SPART: variants seen among roughly 807,000 people sequenced by gnomAD.
SPART encodes the protein spastic paraplegia 20 (Troyer syndrome).
In SPART, 35 loss-of-function variants were observed where a neutral mutation model predicts 58.7. The observed-to-expected ratio is 0.60, with a 90% CI of 0.46 to 0.79. The LOEUF is 0.79. SPART is among the 30% of genes least tolerant of loss of function. The pLI is 0.00. For missense variants in SPART, 730 were observed against 786.1 expected (o/e 0.93, Z 0.85); for synonymous variants, 284 against 280.7 (o/e 1.01, Z -0.12).
chr13:36,341,315 T>C (rs1298604025), intron 1 of SPART, among the ~76,000 whole-genome samples: 1 of 152,208 alleles, frequency 6.6e-6, no homozygotes, highest in African/African-American at 2.4e-5. Flanking sequence ...CTAATAACAT[T>C]AAAAAGGTAA....
chr13:36,331,107 T>C (rs973136097), intron 3 of SPART, among the ~76,000 whole-genome samples: 3 of 152,238 alleles, frequency 2.0e-5, no homozygotes, highest in Non-Finnish European at 4.4e-5. Flanking sequence ...ACACTGTTAT[T>C]ATCCCCATTT....
At chr13:36,323,420 G>A (rs1381070386) in intron 5 of SPART, among the ~76,000 whole-genome samples, 1 of 152,150 alleles carries the variant, frequency 6.6e-6, no homozygotes, top group Non-Finnish European at 1.5e-5. Context: ...TTAAGTCTAG[G>A]TTTCTCAAGC....
At chr13:36,340,170 G>C (rs539182010) in intron 1 of SPART, among the ~76,000 whole-genome samples, 142 of 152,150 alleles carry the variant, frequency 9.3e-4, no homozygotes, top group African/African-American at 3.4e-3. Context: ...AGACCACCCT[G>C]GCTAACAAGG....
At chr13:36,333,209 C>G (rs1883627834) in intron 2 of SPART, among the ~76,000 whole-genome samples, 1 of 151,844 alleles carries the variant, frequency 6.6e-6, no homozygotes, top group African/African-American at 2.4e-5. Context: ...TTTCAGAGGG[C>G]AATCTCATGT....
chr13:36,366,105 T>C (rs1395195271), intron 1 of SPART, among the ~76,000 whole-genome samples: 1 of 152,192 alleles, frequency 6.6e-6, no homozygotes, highest in Non-Finnish European at 1.5e-5. Flanking sequence ...AATGACTCCA[T>C]AGTGCCTGGA....
At chr13:36,326,001 G>C (rs1302426293) in intron 5 of SPART, 3 of 152,926 alleles carry the variant, frequency 2.0e-5, no homozygotes, top group Non-Finnish European at 4.4e-5. Context: ...TTTGGTCTCT[G>C]GTGAGGGGCC....
chr13:36,362,774 A>C, intron 1 of SPART, among the ~76,000 whole-genome samples: 1 of 138,992 alleles, frequency 7.2e-6, no homozygotes, highest in Non-Finnish European at 1.5e-5. Flanking sequence ...AAGAAAGCAG[A>C]CTGTAATGTG....
At chr13:36,336,025 T>C (rs1284254079) in intron 1 of SPART, among the ~76,000 whole-genome samples, 193 bp from the exon 2 acceptor site, 3 of 152,186 alleles carry the variant, frequency 2.0e-5, no homozygotes, top group African/African-American at 7.2e-5. Flanking sequence ...GATGAATGGA[T>C]AAATAAATGA....
At chr13:36,331,332 C>A (rs1883436666) in intron 3 of SPART, 67 bp downstream of exon 3, 3 of 1,359,028 alleles carry the variant, frequency 2.2e-6, no homozygotes, top group Middle Eastern at 2.0e-4. Context: ...ATTACAATTT[C>A]TCTAAAAGCT....
chr13:36,320,205 C>T (rs983568367), intron 5 of SPART, among the ~76,000 whole-genome samples: 8 of 152,246 alleles, frequency 5.3e-5, no homozygotes, highest in East Asian at 1.9e-4. Context: ...TCATACCTGA[C>T]GCATATACTT....
intron 5 of SPART, 199 bp downstream of exon 5, chr13:36,326,376 G>C (rs1380882032): frequency 1.6e-6 from 1 of 608,840 alleles, no homozygotes; most frequent in Non-Finnish European, 2.8e-6. Flanking sequence ...CAGAATAATA[G>C]GCCAGGAAGA....
intron 5 of SPART, among the ~76,000 whole-genome samples, chr13:36,321,513 C>A (rs539946871): frequency 2.0e-5 from 3 of 152,146 alleles, no homozygotes; most frequent in African/African-American, 4.8e-5. Context: ...TCATTCTACA[C>A]GACAAATGTT....
At chr13:36,321,625 C>T (rs1882409735) in intron 5 of SPART, among the ~76,000 whole-genome samples, 2 of 152,114 alleles carry the variant, frequency 1.3e-5, no homozygotes, top group Non-Finnish European at 2.9e-5. Context: ...CCGCTTGAAG[C>T]AGCCCTGAGA....
chr13:36,362,731 C>T lies in SPART; in HGVS notation c.-3+7358G>A, dbSNP rs183822231. The stretch of plus-strand genomic sequence containing the variant: ...GGTGCCTAAGATAGCCCACAGCTTG[C>T]TGCCCCTCAGCTGCTAGCCCAAAAC... On this transcript the variant is annotated intron_variant, in intron 1 of 8. Coordinates refer to the SPART transcript ENST00000355182. Among the ~76,000 whole-genome samples, 24 of 152,182 alleles carry T rather than the reference C, an allele frequency of 1.6e-4. 1 individual carries two copies. The highest frequency in any genetic ancestry group is 5.5e-4 in the African/African-American group (23 of 41,522).
At chr13:36,313,073 A>G (rs1013780833) in intron 6 of SPART, among the ~76,000 whole-genome samples, 2 of 152,040 alleles carry the variant, frequency 1.3e-5, no homozygotes, top group South Asian at 4.1e-4. Context: ...ACCCACCTCA[A>G]AACACCAAAT....
intron 5 of SPART, among the ~76,000 whole-genome samples, chr13:36,321,605 GC>G (rs1175203399): frequency 6.6e-6 from 1 of 151,204 alleles, no homozygotes; most frequent in South Asian, 2.1e-4. Context: ...TTCCCACGCC[GC>G]CCCTAATCCC....
intron 1 of SPART, among the ~76,000 whole-genome samples, chr13:36,358,737 G>A (rs1367354217): frequency 2.6e-5 from 4 of 152,132 alleles, no homozygotes; most frequent in Non-Finnish European, 5.9e-5. Context: ...TCCTGGAGAC[G>A]TGGAAATTAA....
In SPART at chr13:36,335,256, C is replaced by G. The variant is rs1293652526; in HGVS notation, c.575G>C (p.Gly192Ala). Residue 192 changes from glycine (G) to alanine (A), a missense_variant, in exon 2 of 9, where the codon GGG (glycine) becomes GCG (alanine). Gly to Ala is a moderately conservative substitution (Grantham distance 60). Transcript: ENST00000438666. ...CTCCTCTCCAACTGATGAAAACTCC[C>G]CAGAATCTGTTCCATAGGATACAGT... ...HYTVSYGTDS[G>A]EFSSVGEEFY... 7.4e-6 allele frequency: 12 copies of G among 1,614,006 alleles called. No individual in the cohort carries two copies. The highest frequency in any genetic ancestry group is 1.0e-5 in the Non-Finnish European group (12 of 1,180,018).
At chr13:36,361,464 G>T (rs1214986275) in intron 1 of SPART, among the ~76,000 whole-genome samples, 3 of 152,094 alleles carry the variant, frequency 2.0e-5, no homozygotes, top group Admixed American at 1.3e-4. Context: ...GAGTGCAATG[G>T]TGTGCTCTCA....
Sources: gnomAD v4.1 joint callset for allele counts (sites outside exome capture counted in the v4.1 genomes callset) on GRCh38, gnomAD v4.1.1 for gene constraint, MANE v1.5 for transcripts, NCBI Gene and HGNC (gene_info 2026-07-23, HGNC 2026-07-21) for gene names.